Variants in TNRC6A observed in about 807,000 individuals in gnomAD.
The protein encoded by TNRC6A is trinucleotide repeat containing adaptor 6A, also known as trinucleotide repeat-containing gene 6A protein.
A neutral mutation model predicts 221.2 loss-of-function variants in TNRC6A; 44 were observed. The ratio of observed to expected loss-of-function variants is 0.20; its 90% CI spans 0.16 to 0.26. The LOEUF (loss-of-function observed/expected upper bound fraction) is 0.26, where lower values mean the gene tolerates loss of function less well. Ranked by LOEUF, TNRC6A falls within the 10% of genes least tolerant of loss-of-function variation. The probability of loss-of-function intolerance (pLI) is 1.00; values close to 1 mark genes in which losing one functional copy is unlikely to be tolerated. For synonymous variants in TNRC6A, 847 were observed against 838.5 expected, an observed-to-expected ratio of 1.01 and a Z score of -0.18; for missense variants, 2,199 against 2,404.4, an observed-to-expected ratio of 0.91 and a Z score of 1.79.
rs766143258 is a variant in TNRC6A, at chr16:24,791,631, C to T, written c.2989C>T (p.Arg997Cys). The T allele has an allele frequency of 1.6e-5, 26 of 1,610,390 alleles. No individual in the cohort carries two copies. Among genetic ancestry groups the T allele is most frequent in the East Asian group, 2.2e-5 (1 of 44,822 alleles). The stretch of plus-strand genomic sequence containing the variant: ...GGAACCATCCCCAGAATCTATACGT[C>T]GCAAAATGGAGATTGATGATGGAAC... ...WEEPSPESIR[R>C]KMEIDDGTSA... The change falls in exon 6 of 25, where the codon CGC becomes TGC. Residue 997 changes from arginine to cysteine, a missense_variant. Physicochemically the swap from Arg to Cys is radical, Grantham distance 180 (BLOSUM62 -3). Transcript: ENST00000395799.
At chr16:24,795,738 T>A (rs1160371605) in intron 8 of TNRC6A, 169 bp from the exon 9 acceptor site, 1 of 556,142 alleles carries the variant, frequency 1.8e-6, no homozygotes, top group Admixed American at 3.2e-5. Context: ...CTCACAACCA[T>A]CTAAGATAGG....
At chr16:24,745,650 T>G (rs2056989574) in intron 2 of TNRC6A, among the ~76,000 whole-genome samples, 1 of 152,108 alleles carries the variant, frequency 6.6e-6, no homozygotes, top group Non-Finnish European at 1.5e-5. Context: ...ACCTAACCCC[T>G]TGTCCCATTA....
chr16:24,652,720 A>G (rs1902741283), intron 2 of TNRC6A, among the ~76,000 whole-genome samples: 1 of 152,194 alleles, frequency 6.6e-6, no homozygotes, highest in Non-Finnish European at 1.5e-5. Context: ...AGGGGGAAAG[A>G]TCTAAGAGTG....
At chr16:24,728,843 G>A (rs2056539698), upstream of TNRC6A, among the ~76,000 whole-genome samples, 1 of 152,106 alleles carries the variant, frequency 6.6e-6, no homozygotes, top group Non-Finnish European at 1.5e-5. Flanking sequence ...TTCTTACTGT[G>A]TGAGCTACGT....
At chr16:24,799,247 A>AT (rs1284849873) in intron 11 of TNRC6A, among the ~76,000 whole-genome samples, 1 of 152,020 alleles carries the variant, frequency 6.6e-6, no homozygotes, top group Admixed American at 6.6e-5. Context: ...GCCTAAGTCC[A>AT]TTTTTTTTCA....
chr16:24,774,897 C>T (rs1198310171), intron 4 of TNRC6A, among the ~76,000 whole-genome samples: 1 of 152,152 alleles, frequency 6.6e-6, no homozygotes, highest in African/African-American at 2.4e-5. Context: ...CTCTAGATTA[C>T]TTACAATACC....
chr16:24,660,721 CTTTTTTCTTTT>C (rs1366215122), intron 2 of TNRC6A, among the ~76,000 whole-genome samples: 1,387 of 126,578 alleles, frequency 0.011, 27 homozygotes, highest in African/African-American at 0.037. Flanking sequence ...CTTTCTTTTT[CTTTTTTCTTTT>C]TTTTTTCTTT....
rs767398368 is a variant in TNRC6A at position 24,789,597 on chromosome 16, G to T, written c.955G>T (p.Ala319Ser). The T allele has an allele frequency of 6.2e-7, 1 of 1,614,104 alleles. No individual in the cohort carries two copies. The highest frequency in any genetic ancestry group is 8.5e-7 in the Non-Finnish European group (1 of 1,180,026). ...TGGGCCATGGGGTTTTTCCCATGGA[G>T]CCATAATAAGCACATGTCAGGTCTC... Reference protein sequence around the residue: ...STGPWGFSHGAIISTCQVSVD... With the variant: ...STGPWGFSHGSIISTCQVSVD... Residue 319 changes from alanine (A) to serine (S), a missense_variant, in exon 6 of 25, where the codon GCC becomes TCC. Transcript: ENST00000395799.
At chr16:24,642,878 A>T (rs1400531920) in intron 2 of TNRC6A, among the ~76,000 whole-genome samples, 8 of 151,086 alleles carry the variant, frequency 5.3e-5, no homozygotes, top group African/African-American at 1.9e-4. Context: ...CCCTGTCTCT[A>T]CAAAAAATTT....
At chr16:24,777,886 CT>C (rs2057759349) in intron 5 of TNRC6A, among the ~76,000 whole-genome samples, 1 of 152,086 alleles carries the variant, frequency 6.6e-6, no homozygotes, top group Non-Finnish European at 1.5e-5. Context: ...CTTCTCTGAG[CT>C]TGGTAGTGAT....
In TNRC6A at chr16:24,790,490, G is replaced by A; in HGVS notation, c.1848G>A (p.Glu616=). Residue 616 remains glutamate (E), a synonymous_variant, in exon 6 of 25, where the codon GAG becomes GAA. Transcript: ENST00000395799. ...CTGGCACTAATTTACCCAGCGTTGA[G>A]TGGAACAAACTGCCTAGCAATCAGC... ...QNTGTNLPSV[E]WNKLPSNQHS... 1 of 1,614,224 alleles carries A rather than the reference G, an allele frequency of 6.2e-7. No homozygotes were observed.
At chr16:24,779,199 C>T (rs2057788264) in intron 5 of TNRC6A, among the ~76,000 whole-genome samples, 1 of 152,056 alleles carries the variant, frequency 6.6e-6, no homozygotes, top group Non-Finnish European at 1.5e-5. Context: ...GAAGGAAAAA[C>T]GTCATGCCTA....
intron 2 of TNRC6A, among the ~76,000 whole-genome samples, chr16:24,734,157 A>G (rs2151201693): frequency 6.6e-6 from 1 of 152,314 alleles, no homozygotes; most frequent in South Asian, 2.1e-4. Flanking sequence ...CCTGGGAAAC[A>G]GAGTGCAACC....
At chr16:24,718,576 C>T (rs2056355937) in intron 2 of TNRC6A, among the ~76,000 whole-genome samples, 1 of 152,116 alleles carries the variant, frequency 6.6e-6, no homozygotes, top group African/African-American at 2.4e-5. Context: ...CAGAAATATG[C>T]CAGGTTAGGT....
chr16:24,741,551 A>G (rs1169959713), intron 2 of TNRC6A, among the ~76,000 whole-genome samples: 1 of 152,174 alleles, frequency 6.6e-6, no homozygotes, highest in East Asian at 1.9e-4. Flanking sequence ...GTTTGTATTC[A>G]TAAGGGTTAT....
chr16:24,731,047 A>G (rs1421875821), intron 2 of TNRC6A, among the ~76,000 whole-genome samples: 1 of 150,578 alleles, frequency 6.6e-6, no homozygotes, highest in Non-Finnish European at 1.5e-5. Context: ...GTAATTGCTT[A>G]AGCATCAAGG....
At chr16:24,622,811 A>G (rs1418547464) in intron 1 of TNRC6A, among the ~76,000 whole-genome samples, 1 of 152,228 alleles carries the variant, frequency 6.6e-6, no homozygotes, top group East Asian at 1.9e-4. Flanking sequence ...TGGTGGAACT[A>G]CCATTATTAT....
intron 2 of TNRC6A, among the ~76,000 whole-genome samples, chr16:24,704,417 C>T (rs905393632): frequency 3.3e-5 from 5 of 151,932 alleles, no homozygotes; most frequent in Non-Finnish European, 7.4e-5. Context: ...TGGTGGCTCA[C>T]GCCTGTAATC....
At chr16:24,702,232 C>T (rs1164232196) in intron 2 of TNRC6A, among the ~76,000 whole-genome samples, 1 of 141,320 alleles carries the variant, frequency 7.1e-6, no homozygotes, top group Non-Finnish European at 1.5e-5. Flanking sequence ...GGCTGGAGTG[C>T]AATGGCACAA....
Sources: gnomAD v4.1 joint callset for allele counts (sites outside exome capture counted in the v4.1 genomes callset) on GRCh38, gnomAD v4.1.1 for gene constraint, MANE v1.5 for transcripts, NCBI Gene and HGNC (gene_info 2026-07-23, HGNC 2026-07-21) for gene names.